Variants in MCM8 observed in about 807,000 individuals in gnomAD.
The protein encoded by MCM8 is DNA helicase MCM8.
In MCM8, 85 loss-of-function variants were observed where a neutral mutation model predicts 98.9. The ratio of observed to expected loss-of-function variants is 0.86; its 90% confidence interval spans 0.72 to 1.03. The LOEUF is 1.03. MCM8 is among the 50% of genes least tolerant of loss of function. The pLI is 0.00. For missense variants in MCM8, 951 were observed against 997.8 expected (o/e 0.95, Z 0.63); for synonymous variants, 352 against 338.6 (o/e 1.04, Z -0.44).
Position 5,987,364 on chromosome 20 carries a change from AT to A in MCM8, c.2240+7del, listed in dbSNP as rs774892032. On this transcript the variant is annotated splice_region_variant and intron_variant, in intron 17 of 18. Coordinates refer to ENST00000610722, the MANE Select transcript of MCM8 (RefSeq NM_032485.6). ...GTGGAAATTATGAAATATAGGTAAG[AT>A]AAAAATTTCAAATTGTTTTAAATGA... 1.2e-6 allele frequency: 2 copies of A among 1,603,604 alleles called. No individual in the cohort carries two copies. The highest frequency in any genetic ancestry group is 1.7e-6 in the Non-Finnish European group (2 of 1,175,816).
Position 5,994,713 on chromosome 20 carries a change from A to G in MCM8, c.*322A>G, listed in dbSNP as rs1475128661. ...CAGGGTTCGAGACCAACCTTGGGCA[A>G]CATAGCAAGACCCCATTTCTTAAAA... On this transcript the variant is annotated 3_prime_UTR_variant, in exon 19 of 19. Coordinates refer to ENST00000610722, the MANE Select transcript of MCM8 (RefSeq NM_032485.6). 5 of 471,968 alleles carry G rather than the reference A, an allele frequency of 1.1e-5. No homozygotes were observed. Among genetic ancestry groups the G allele is most frequent in the Non-Finnish European group, 2.1e-5 (5 of 240,892 alleles). The allele number at this position is 471,968 out of a possible 1,614,324, so 29.2% of individuals were successfully genotyped here. A position where few individuals can be genotyped will look rare whatever the true frequency, so the allele number is the denominator to read the frequency against.
At chr20:5,964,979 T>C (rs2089242924) in intron 8 of MCM8, among the ~76,000 whole-genome samples, 3 of 152,244 alleles carry the variant, frequency 2.0e-5, no homozygotes, top group African/African-American at 7.2e-5. Flanking sequence ...TTCGCTTTAC[T>C]GCAGTCATTC....
intron 13 of MCM8, among the ~76,000 whole-genome samples, chr20:5,979,111 G>T (rs967924207): frequency 5.9e-5 from 9 of 152,206 alleles, no homozygotes; most frequent in Non-Finnish European, 1.3e-4. Flanking sequence ...TGGTTTGCCA[G>T]TGACTTCCAT....
At chr20:5,972,254 G>T (rs1299022779) in intron 11 of MCM8, among the ~76,000 whole-genome samples, 3 of 151,450 alleles carry the variant, frequency 2.0e-5, no homozygotes. Context: ...ACCCAGGCTA[G>T]AGTGTGATGG....
chr20:5,984,671 G>T (rs903810118), intron 14 of MCM8, 110 bp from the exon 15 acceptor site: 3 of 786,238 alleles, frequency 3.8e-6, no homozygotes, highest in Non-Finnish European at 6.1e-6. Flanking sequence ...CCTAAATCTT[G>T]GTTTTTCAAG....
Position 5,952,472 on chromosome 20 carries a change from A to G in MCM8, c.197A>G (p.Gln66Arg), listed in dbSNP as rs978528471. ...TCAACAAAGACCCCACAGTCAATGC[A>G]GTCAACATTGGATCGATTCATACCA... ...LLSTKTPQSM[Q>R]STLDRFIPYK... Residue 66 changes from glutamine (Q) to arginine (R), a missense_variant, in exon 3 of 19, where the codon CAG becomes CGG. By Grantham distance (43) the Gln-to-Arg change is conservative (BLOSUM62 1). Transcript: ENST00000610722. 1.2e-6 allele frequency: 2 copies of G among 1,614,010 alleles called. No homozygotes were observed. Among genetic ancestry groups the G allele is most frequent in the South Asian group, 1.1e-5 (1 of 91,082 alleles).
chr20:5,967,583 A>G lies in MCM8; in HGVS notation c.1023A>G (p.Glu341=). Reference sequence around the variant, plus strand: ...GAATTGTCAAAGTCTCAAATGCGGAAGAAGGTAGGGTACAACTCTTTTCAT... The same window carrying G: ...GAATTGTCAAAGTCTCAAATGCGGAGGAAGGTAGGGTACAACTCTTTTCAT... ...ITGIVKVSNA[E]EGSRNKNDKC... Residue 341 remains glutamate (E), a synonymous_variant, in exon 9 of 19, where the codon GAA becomes GAG. Coordinates refer to ENST00000610722, the MANE Select transcript of MCM8 (RefSeq NM_032485.6). 2 of 1,611,268 alleles carry G rather than the reference A, an allele frequency of 1.2e-6. No homozygotes were observed. The highest frequency in any genetic ancestry group is 1.7e-6 in the Non-Finnish European group (2 of 1,177,936).
At chr20:5,980,078 C>A (rs1412470256) in intron 13 of MCM8, among the ~76,000 whole-genome samples, 1 of 152,202 alleles carries the variant, frequency 6.6e-6, no homozygotes, top group East Asian at 1.9e-4. Context: ...CCAGATAGAG[C>A]TGCAAAGGCT....
chr20:5,975,687 G>A (rs549401084), intron 12 of MCM8, among the ~76,000 whole-genome samples: 93 of 151,644 alleles, frequency 6.1e-4, no homozygotes, highest in African/African-American at 2.1e-3. Flanking sequence ...TAGTAGAGAC[G>A]GGGTTTCACC....
chr20:5,983,104 G>T lies in MCM8; in HGVS notation c.1672G>T (p.Ala558Ser). Residue 558 changes from alanine (A) to serine (S), a missense_variant, in exon 14 of 19, where the codon GCT becomes TCT. Ala to Ser is a moderately conservative substitution (Grantham distance 99). Transcript: ENST00000610722. ...CSLPARTSII[A>S]AANPVGGHYN... ...CCTTCCTGCAAGAACTTCCATTATT[G>T]CTGCTGCAAATCCAGTTGGAGGACA... 1 of 1,614,134 alleles carries T rather than the reference G, an allele frequency of 6.2e-7. No homozygotes were observed. Among genetic ancestry groups the T allele is most frequent in the Non-Finnish European group, 8.5e-7 (1 of 1,180,018 alleles).
intron 13 of MCM8, among the ~76,000 whole-genome samples, chr20:5,981,027 G>GACAA (rs59519369): frequency 6.6e-6 from 1 of 151,960 alleles, no homozygotes; most frequent in African/African-American, 2.4e-5. Context: ...GATTGTAAAG[G>GACAA]ACAAACAAAC....
chr20:5,993,407 T>C, intron 17 of MCM8, 99 bp from the exon 18 acceptor site: 1 of 863,180 alleles, frequency 1.2e-6, no homozygotes, highest in Non-Finnish European at 1.7e-6. Flanking sequence ...GTGAGCCTTG[T>C]GGCTACTTCC....
chr20:5,975,891 G>C (rs1205033236), intron 12 of MCM8, among the ~76,000 whole-genome samples: 2 of 151,950 alleles, frequency 1.3e-5, no homozygotes, highest in South Asian at 2.1e-4. Context: ...TACATTGGCA[G>C]TTTTTCTTGT....
intron 10 of MCM8, among the ~76,000 whole-genome samples, chr20:5,969,874 A>T (rs1443582499): frequency 6.6e-6 from 1 of 152,180 alleles, no homozygotes; most frequent in East Asian, 1.9e-4. Flanking sequence ...CCTGGTCGAC[A>T]ATCCAAACAT....
In MCM8 at chr20:5,977,788, G is replaced by A. The variant is rs1343754595; in HGVS notation, c.1396-88G>A. The A allele has an allele frequency of 1.1e-4, 157 of 1,392,682 alleles. 1 individual carries two copies. In the South Asian group the frequency reaches 1.9e-3, roughly 17 times the overall value. The allele number at this position is 1,392,682 out of a possible 1,614,324, so 86.3% of individuals were successfully genotyped here. A position where few individuals can be genotyped will look rare whatever the true frequency, so the allele number is the denominator to read the frequency against. On this transcript the variant is annotated intron_variant, in intron 12 of 18. Coordinates refer to ENST00000610722, the MANE Select transcript of MCM8 (RefSeq NM_032485.6). ...ACTAAAGCTCTTAAAAGAATACCTAGCATATACCTAACGTTTGTGAGCAAC... is the reference window on the plus strand; with the variant it reads ...ACTAAAGCTCTTAAAAGAATACCTAACATATACCTAACGTTTGTGAGCAAC...
rs1370960897 is a variant in MCM8, at chr20:5,997,434, C to T, written c.*3043C>T. ...AACTCAGGTGATTGCCTGCCTCGGT[C>T]TCCCAAAAAGTGCCGGGATTACAGG... On this transcript the variant is annotated 3_prime_UTR_variant, in exon 19 of 19. Transcript: ENST00000610722. 1 of 152,258 alleles carries T rather than the reference C, an allele frequency of 6.6e-6. No homozygotes were observed. Among genetic ancestry groups the T allele is most frequent in the Non-Finnish European group, 1.5e-5 (1 of 68,124 alleles). The allele number at this position is 152,258 out of a possible 1,614,324, so 9.4% of individuals were successfully genotyped here.
At chr20:5,980,180 C>T (rs1299446702) in intron 13 of MCM8, among the ~76,000 whole-genome samples, 1 of 152,162 alleles carries the variant, frequency 6.6e-6, no homozygotes, top group African/African-American at 2.4e-5. Flanking sequence ...ACCTCCCCTG[C>T]CCCTGCTGCA....
chr20:5,983,237 CACAGA>C, intron 14 of MCM8, 72 bp downstream of exon 14: 1 of 1,268,310 alleles, frequency 7.9e-7, no homozygotes, highest in Non-Finnish European at 1.1e-6. Flanking sequence ...AGAAATAGTT[CACAGA>C]ACTACAGGGG....
intron 14 of MCM8, among the ~76,000 whole-genome samples, chr20:5,984,035 G>T (rs1404663920): frequency 1.3e-5 from 2 of 152,200 alleles, no homozygotes; most frequent in East Asian, 3.8e-4. Context: ...ACTTAAATAT[G>T]TGGTATGATC....
Sources: gnomAD v4.1 joint callset for allele counts (sites outside exome capture counted in the v4.1 genomes callset) on GRCh38, gnomAD v4.1.1 for gene constraint, MANE v1.5 for transcripts, NCBI Gene and HGNC (gene_info 2026-07-23, HGNC 2026-07-21) for gene names.